CARMIL1: variants seen among roughly 807,000 people sequenced by gnomAD.
CARMIL1 encodes the protein F-actin-uncapping protein LRRC16A.
In CARMIL1, 90 loss-of-function variants were observed where a neutral mutation model predicts 177.1. The observed-to-expected ratio is 0.51, with a 90% CI of 0.43 to 0.61. CARMIL1 has a LOEUF of 0.61. CARMIL1 is among the 20% of genes least tolerant of loss of function. The pLI, the probability that CARMIL1 is intolerant of heterozygous loss-of-function variation, is 0.00. For missense variants in CARMIL1, 1,380 were observed against 1,667.0 expected (o/e 0.83, Z 3.00); for synonymous variants, 577 against 606.2 (o/e 0.95, Z 0.71).
At chr6:25,570,035 G>T (rs1364796871) in intron 29 of CARMIL1, among the ~76,000 whole-genome samples, 2 of 151,612 alleles carry the variant, frequency 1.3e-5, no homozygotes, top group Non-Finnish European at 2.9e-5. Flanking sequence ...GTGCAGTGGC[G>T]CTCACTGCAA....
At chr6:25,505,544 C>T (rs1804827476) in intron 17 of CARMIL1, among the ~76,000 whole-genome samples, 1 of 152,076 alleles carries the variant, frequency 6.6e-6, no homozygotes, top group Non-Finnish European at 1.5e-5. Context: ...CCTGCACCTC[C>T]GGGATTCAAG....
In CARMIL1 at chr6:25,620,411, C is replaced by T. The variant is rs746855299; in HGVS notation, c.*828C>T. 23 of 152,134 alleles carry T rather than the reference C, an allele frequency of 1.5e-4. No homozygotes were observed. The highest frequency in any genetic ancestry group is 3.4e-4 in the Non-Finnish European group (23 of 68,028). The allele number at this position is 152,134 out of a possible 1,614,324, so 9.4% of individuals were successfully genotyped here. Reference sequence around the variant, plus strand: ...ATTTTAAGAGAGAATACTTTGACACCTGTAAAAATCAAAATACTACTCTTT... The same window carrying T: ...ATTTTAAGAGAGAATACTTTGACACTTGTAAAAATCAAAATACTACTCTTT... On this transcript the variant is annotated 3_prime_UTR_variant, in exon 37 of 37. Coordinates refer to ENST00000329474, the MANE Select transcript of CARMIL1 (RefSeq NM_017640.6).
intron 8 of CARMIL1, among the ~76,000 whole-genome samples, chr6:25,457,729 G>T (rs993976590): frequency 7.9e-5 from 12 of 152,154 alleles, no homozygotes; most frequent in African/African-American, 1.2e-4. Context: ...GCAGGGCTGT[G>T]CATTCTTGCA....
intron 24 of CARMIL1, among the ~76,000 whole-genome samples, chr6:25,536,638 T>A (rs1808330041): frequency 6.6e-6 from 1 of 152,164 alleles, no homozygotes; most frequent in South Asian, 2.1e-4. Context: ...ATTATGAACC[T>A]GACTTTACAA....
At chr6:25,442,121 G>T (rs1797828650) in intron 5 of CARMIL1, among the ~76,000 whole-genome samples, 1 of 151,882 alleles carries the variant, frequency 6.6e-6, no homozygotes, top group Admixed American at 6.6e-5. Context: ...CTGCCATGTT[G>T]CATAGGCTGA....
chr6:25,443,406 T>G (rs1797943592), intron 5 of CARMIL1, among the ~76,000 whole-genome samples: 1 of 152,208 alleles, frequency 6.6e-6, no homozygotes, highest in Non-Finnish European at 1.5e-5. Context: ...TAATTACAGG[T>G]TCCTTTGGGT....
intron 2 of CARMIL1, among the ~76,000 whole-genome samples, chr6:25,300,393 G>C (rs1368722146): frequency 6.6e-6 from 1 of 152,184 alleles, no homozygotes; most frequent in African/African-American, 2.4e-5. Context: ...CAGGCCAAGC[G>C]TGGTGGCTCA....
chr6:25,446,322 G>A (rs929122963), intron 5 of CARMIL1, among the ~76,000 whole-genome samples: 20 of 152,344 alleles, frequency 1.3e-4, no homozygotes, highest in Admixed American at 1.2e-3. Flanking sequence ...GTTGTTTAGT[G>A]TAGCCATCTT....
At chr6:25,354,156 G>A (rs767751862) in intron 2 of CARMIL1, among the ~76,000 whole-genome samples, 1 of 151,984 alleles carries the variant, frequency 6.6e-6, no homozygotes, top group Non-Finnish European at 1.5e-5. Flanking sequence ...GGAAGGGTCT[G>A]CTGTGGCTTT....
chr6:25,495,088 T>C (rs776567588), intron 15 of CARMIL1, 23 bp from the exon 16 acceptor site: 1 of 1,403,124 alleles, frequency 7.1e-7, no homozygotes. Flanking sequence ...TAACCGCTTG[T>C]GTAACTCTTG....
At chr6:25,440,637 A>G (rs900259265) in intron 5 of CARMIL1, among the ~76,000 whole-genome samples, 1 of 152,186 alleles carries the variant, frequency 6.6e-6, no homozygotes. Flanking sequence ...CTTTTCTCCT[A>G]CATTCCCAGT....
intron 2 of CARMIL1, among the ~76,000 whole-genome samples, chr6:25,302,726 A>G (rs552138709): frequency 4.6e-5 from 7 of 152,276 alleles, no homozygotes; most frequent in Non-Finnish European, 2.9e-5. Context: ...CGATGCTGGG[A>G]GGGAGGGAGA....
At chr6:25,512,902 G>T (rs913587893) in intron 20 of CARMIL1, among the ~76,000 whole-genome samples, 7 of 152,152 alleles carry the variant, frequency 4.6e-5, no homozygotes, top group Admixed American at 3.9e-4. Context: ...CCAGGAGACA[G>T]ATTCTCAGAT....
At chr6:25,442,893 C>T (rs1797909232) in intron 5 of CARMIL1, among the ~76,000 whole-genome samples, 1 of 152,100 alleles carries the variant, frequency 6.6e-6, no homozygotes, top group Admixed American at 6.5e-5. Flanking sequence ...TTTTGTTTTT[C>T]GAGTAAAACT....
At chr6:25,343,560 G>A (rs1425537986) in intron 2 of CARMIL1, among the ~76,000 whole-genome samples, 2 of 152,042 alleles carry the variant, frequency 1.3e-5, no homozygotes, top group Admixed American at 1.3e-4. Context: ...TCCCGTTTAT[G>A]TCAGTCACCA....
intron 32 of CARMIL1, among the ~76,000 whole-genome samples, chr6:25,597,139 G>A (rs924558904): frequency 2.0e-5 from 3 of 152,000 alleles, no homozygotes; most frequent in African/African-American, 7.2e-5. Context: ...TTGAGTGTGT[G>A]CAAAAAGAAA....
chr6:25,420,274 C>A, intron 3 of CARMIL1, 110 bp downstream of exon 3: 2 of 942,198 alleles, frequency 2.1e-6, no homozygotes, highest in Non-Finnish European at 3.5e-6. Flanking sequence ...TCATATACTG[C>A]AACACAACAC....
At chr6:25,473,763 C>T (rs1228149116) in intron 11 of CARMIL1, among the ~76,000 whole-genome samples, 1 of 152,162 alleles carries the variant, frequency 6.6e-6, no homozygotes, top group Admixed American at 6.5e-5. Context: ...CGTATACACC[C>T]GGGGGTGAGA....
At position 25,512,456 on chromosome 6, in the gene CARMIL1, A is replaced by G. The variant is rs545853907; in HGVS notation, c.1632+1694A>G. The stretch of plus-strand genomic sequence containing the variant: ...AAAGCAATTCTTCTGTTTTTTTTCT[A>G]CTTTCAAATTGGTAATATGGAAAAT... On this transcript the variant is annotated intron_variant, in intron 20 of 36. Transcript: ENST00000329474. 3.9e-5 allele frequency among the ~76,000 whole-genome samples: 6 copies of G among 152,222 alleles called. No homozygotes were observed. In the South Asian group the frequency reaches 1.0e-3, roughly 26 times the overall value.
Sources: gnomAD v4.1 joint callset for allele counts (sites outside exome capture counted in the v4.1 genomes callset) on GRCh38, gnomAD v4.1.1 for gene constraint, MANE v1.5 for transcripts, NCBI Gene and HGNC (gene_info 2026-07-23, HGNC 2026-07-21) for gene names.